MYRFL: variants seen among roughly 807,000 people sequenced by gnomAD.
MYRFL encodes the protein myelin regulatory factor like.
In MYRFL, 88 loss-of-function variants were observed where a neutral mutation model predicts 109.4. The ratio of observed to expected loss-of-function variants is 0.80; its 90% confidence interval spans 0.68 to 0.96. MYRFL has a LOEUF of 0.96. Among genes scored for constraint, MYRFL ranks in the 40% least tolerant of loss-of-function variants. MYRFL has a pLI of 0.00. For missense variants in MYRFL, 957 were observed against 954.9 expected (o/e 1.00, Z -0.03); for synonymous variants, 324 against 320.9 (o/e 1.01, Z -0.10).
intron 19 of MYRFL, 61 bp downstream of exon 19, chr12:69,936,693 C>A: frequency 1.4e-6 from 2 of 1,379,672 alleles, no homozygotes; most frequent in South Asian, 3.1e-5. Context: ...TTTCTTGTCA[C>A]AATTTACTTA....
chr12:69,938,549 G>A (rs1371372196), intron 19 of MYRFL, among the ~76,000 whole-genome samples: 1 of 152,088 alleles, frequency 6.6e-6, no homozygotes, highest in Non-Finnish European at 1.5e-5. Flanking sequence ...TAATAATTGA[G>A]CTGAAAAATT....
rs973236705 is a variant in MYRFL, at chr12:69,867,355, G to A, written c.138-11673G>A. ...AAGTGTTATATGCACGTGTGTGCAG[G>A]GAAGGTAAGGGTCTAGAAAAGAGAC... On this transcript the variant is annotated intron_variant, in intron 2 of 24. Coordinates refer to ENST00000552032, the MANE Select transcript of MYRFL (RefSeq NM_182530.3). 7.3e-4 allele frequency among the ~76,000 whole-genome samples: 111 copies of A among 152,344 alleles called. 1 individual carries two copies. The highest frequency in any genetic ancestry group is 2.6e-3 in the African/African-American group (110 of 41,578).
rs940277744 is a variant in MYRFL at position 69,879,304 on chromosome 12, T to C, written c.315T>C (p.Ser105=). The C allele has an allele frequency of 2.8e-6, 2 of 702,854 alleles. No individual in the cohort carries two copies. Among genetic ancestry groups the C allele is most frequent in the Non-Finnish European group, 5.2e-6 (2 of 384,826 alleles). The allele number at this position is 702,854 out of a possible 1,614,324, so 43.5% of individuals were successfully genotyped here. A position where few individuals can be genotyped will look rare whatever the true frequency, so the allele number is the denominator to read the frequency against. Residue 105 remains serine, a synonymous_variant, in exon 4 of 25, where the codon TCT becomes TCC. Coordinates refer to ENST00000552032, the MANE Select transcript of MYRFL (RefSeq NM_182530.3). ...MPPMHPLQST[S]GMGDSCQIHG... is the part of the protein sequence containing the mutation. The stretch of plus-strand genomic sequence containing the variant: ...CCATGCACCCGCTGCAGAGCACCTC[T>C]GGAATGGGCGACTCCTGCCAAATCC...
intron 19 of MYRFL, chr12:69,946,426 G>T (rs994992525): frequency 2.0e-5 from 3 of 152,090 alleles, no homozygotes; most frequent in Non-Finnish European, 2.9e-5. Context: ...TGGAAATTTA[G>T]TCACAGAATC....
chr12:69,927,265 GA>G (rs1955127276), intron 14 of MYRFL, among the ~76,000 whole-genome samples: 1 of 151,852 alleles, frequency 6.6e-6, no homozygotes, highest in East Asian at 1.9e-4. Flanking sequence ...TTTAAAAGTG[GA>G]AAAAAACCAT....
intron 1 of MYRFL, among the ~76,000 whole-genome samples, chr12:69,852,579 A>ATTTTTT (rs61145700): frequency 8.9e-5 from 10 of 112,182 alleles, no homozygotes; most frequent in South Asian, 3.1e-4. Flanking sequence ...TTAATTTTTA[A>ATTTTTT]TTTTTTTTTT....
intron 15 of MYRFL, among the ~76,000 whole-genome samples, chr12:69,928,819 A>G (rs1237814664): frequency 6.6e-6 from 1 of 152,204 alleles, no homozygotes; most frequent in African/African-American, 2.4e-5. Context: ...AACACAAAAC[A>G]TGAATGTAGG....
chr12:69,887,550 G>A (rs548359157), intron 6 of MYRFL, among the ~76,000 whole-genome samples: 1 of 152,208 alleles, frequency 6.6e-6, no homozygotes, highest in East Asian at 1.9e-4. Flanking sequence ...AAATAAATGT[G>A]CAATCCTATA....
At chr12:69,892,460 G>A (rs1023663961) in intron 7 of MYRFL, among the ~76,000 whole-genome samples, 1 of 152,146 alleles carries the variant, frequency 6.6e-6, no homozygotes, top group Non-Finnish European at 1.5e-5. Flanking sequence ...GCCTAGACTG[G>A]AGTGCAGTGG....
intron 10 of MYRFL, among the ~76,000 whole-genome samples, chr12:69,901,457 T>A (rs1954177615): frequency 6.6e-6 from 1 of 152,182 alleles, no homozygotes. Flanking sequence ...GTGAACATAT[T>A]TTAGGGATTT....
At chr12:69,913,624 C>T (rs867537792) in intron 13 of MYRFL, among the ~76,000 whole-genome samples, 1 of 152,250 alleles carries the variant, frequency 6.6e-6, no homozygotes, top group Middle Eastern at 3.4e-3. Flanking sequence ...GAGTTTATTT[C>T]TGTGCTGTTT....
intron 8 of MYRFL, among the ~76,000 whole-genome samples, chr12:69,894,613 G>C (rs1887110877): frequency 6.6e-6 from 1 of 152,182 alleles, no homozygotes; most frequent in South Asian, 2.1e-4. Context: ...AAGCCATGTT[G>C]ATAGCTTGCT....
chr12:69,858,275 G>A (rs1304153811), intron 2 of MYRFL, among the ~76,000 whole-genome samples: 3 of 151,728 alleles, frequency 2.0e-5, no homozygotes, highest in Admixed American at 6.6e-5. Flanking sequence ...TGAGCATTTT[G>A]CATCTATGTT....
intron 1 of MYRFL, among the ~76,000 whole-genome samples, chr12:69,834,539 C>A (rs187477889): frequency 6.6e-6 from 1 of 152,186 alleles, no homozygotes; most frequent in East Asian, 1.9e-4. Flanking sequence ...TACCCTCTTA[C>A]GGTTGTGAAG....
At chr12:69,916,708 T>C (rs1233188279) in intron 13 of MYRFL, among the ~76,000 whole-genome samples, 1 of 152,210 alleles carries the variant, frequency 6.6e-6, no homozygotes, top group African/African-American at 2.4e-5. Flanking sequence ...ACAATCTGGA[T>C]GGAGTCTTCT....
intron 1 of MYRFL, among the ~76,000 whole-genome samples, chr12:69,854,511 G>A (rs1421046712): frequency 3.3e-5 from 5 of 152,112 alleles, no homozygotes; most frequent in African/African-American, 1.2e-4. Flanking sequence ...AGCCTCCTGA[G>A]TAGCTGGGAC....
chr12:69,936,888 A>T (rs1245718384), intron 19 of MYRFL, among the ~76,000 whole-genome samples: 1 of 152,230 alleles, frequency 6.6e-6, no homozygotes, highest in Non-Finnish European at 1.5e-5. Context: ...GTCCATTGCC[A>T]ACAAGGATAG....
intron 19 of MYRFL, among the ~76,000 whole-genome samples, chr12:69,944,559 A>G (rs1955772134): frequency 6.7e-6 from 1 of 149,576 alleles, no homozygotes; most frequent in African/African-American, 2.5e-5. Context: ...GGGGAGGGAT[A>G]GCATTGGGAG....
intron 2 of MYRFL, among the ~76,000 whole-genome samples, chr12:69,868,970 G>GCACACATGCACT (rs753398196): frequency 6.6e-6 from 1 of 151,592 alleles, no homozygotes; most frequent in Non-Finnish European, 1.5e-5. Flanking sequence ...ACATGTGCGT[G>GCACACATGCACT]CACACATGCA....
Sources: allele counts gnomAD v4.1 joint callset (sites outside exome capture counted in the v4.1 genomes callset), GRCh38; gene constraint gnomAD v4.1.1; transcripts MANE v1.5; gene names NCBI Gene and HGNC (gene_info 2026-07-23, HGNC 2026-07-21).